Variants in OSBPL9 observed in about 807,000 individuals in gnomAD.
OSBPL9 encodes the protein oxysterol binding protein like 9.
Under a neutral mutation model 106.6 loss-of-function variants are expected in OSBPL9, and 40 were observed. That is an observed-to-expected ratio of 0.38 (90% CI 0.29 to 0.49). The LOEUF (loss-of-function observed/expected upper bound fraction) is 0.49, where lower values mean the gene tolerates loss of function less well. OSBPL9 is among the 20% of genes least tolerant of loss of function. OSBPL9 has a pLI of 0.97. For missense variants in OSBPL9, 609 were observed against 887.2 expected (o/e 0.69, Z 3.98); for synonymous variants, 269 against 295.4 (o/e 0.91, Z 0.92).
chr1:51,695,825 G>A (rs1351792769), intron 3 of OSBPL9, among the ~76,000 whole-genome samples: 6 of 152,148 alleles, frequency 3.9e-5, no homozygotes, highest in African/African-American at 1.2e-4. Context: ...GCTTAGAACC[G>A]TGCTGACACA....
chr1:51,777,277 A>G (rs751005533), intron 15 of OSBPL9, among the ~76,000 whole-genome samples: 7 of 152,216 alleles, frequency 4.6e-5, no homozygotes, highest in Non-Finnish European at 1.0e-4. Flanking sequence ...TTTCCAAAGC[A>G]CCTGTTGTTT....
intron 1 of OSBPL9, among the ~76,000 whole-genome samples, chr1:51,628,702 G>GTGCCCTGTATAGGGCACTT (rs1644924838): frequency 2.8e-5 from 1 of 36,024 alleles, no homozygotes; most frequent in Admixed American, 3.4e-4. Flanking sequence ...TTTTTTTTTT[G>GTGCCCTGTATAGGGCACTT]AGATGGAGCC....
At chr1:51,534,007 C>T in the OSBPL9 span, among the ~76,000 whole-genome samples, 1 of 151,874 alleles carries the variant, frequency 6.6e-6, no homozygotes, top group Non-Finnish European at 1.5e-5. Flanking sequence ...GAGTTCGAGA[C>T]TAGCCTGACC....
chr1:51,673,718 A>G (rs1250483621), intron 3 of OSBPL9, among the ~76,000 whole-genome samples: 2 of 152,186 alleles, frequency 1.3e-5, no homozygotes, highest in Non-Finnish European at 2.9e-5. Flanking sequence ...AAAAATCTAT[A>G]GGAACTGGGG....
chr1:51,537,336 T>C, the OSBPL9 span, among the ~76,000 whole-genome samples: 2 of 152,174 alleles, frequency 1.3e-5, no homozygotes, highest in Non-Finnish European at 2.9e-5. Flanking sequence ...CCTTGCTTTC[T>C]GGCATAATAA....
chr1:51,761,904 T>G lies in OSBPL9; in HGVS notation c.711T>G (p.Ser237=). 6.2e-7 allele frequency: 1 copy of G among 1,613,826 alleles called. No homozygotes were observed. The highest frequency in any genetic ancestry group is 1.7e-4 in the Middle Eastern group (1 of 6,052). Reference sequence around the variant, plus strand: ...TGTGTAAGTCAGAGCAGCGTCCATCTTCCCTACCAGTTGGACCTGTGTTGG... The same window carrying G: ...TGTGTAAGTCAGAGCAGCGTCCATCGTCCCTACCAGTTGGACCTGTGTTGG... ...VQLCKSEQRP[S]SLPVGPVLAT... is the part of the protein sequence containing the mutation. Residue 237 remains serine (S), a synonymous_variant, in exon 11 of 24, where the codon TCT becomes TCG. Coordinates refer to ENST00000428468, the MANE Select transcript of OSBPL9 (RefSeq NM_024586.6).
At chr1:51,525,380 A>C in the OSBPL9 span, among the ~76,000 whole-genome samples, 18 of 152,342 alleles carry the variant, frequency 1.2e-4, no homozygotes, top group Non-Finnish European at 2.6e-4. Flanking sequence ...GTCATTGGGA[A>C]AAGTTAATAT....
At chr1:51,680,353 C>A (rs543332405) in intron 3 of OSBPL9, among the ~76,000 whole-genome samples, 1 of 152,038 alleles carries the variant, frequency 6.6e-6, no homozygotes, top group South Asian at 2.1e-4. Flanking sequence ...ACTGAATGTT[C>A]TAAGAAAACA....
the OSBPL9 span, among the ~76,000 whole-genome samples, chr1:51,528,771 G>A: frequency 2.6e-5 from 4 of 152,086 alleles, no homozygotes; most frequent in African/African-American, 7.2e-5. Context: ...TCCTCAGGGG[G>A]CTAACGTGGG....
chr1:51,568,899 G>A, the OSBPL9 span, among the ~76,000 whole-genome samples: 4 of 152,170 alleles, frequency 2.6e-5, no homozygotes, highest in Non-Finnish European at 5.9e-5. Context: ...TTTCAGTAGA[G>A]ATGGGGTTTC....
intron 9 of OSBPL9, 114 bp downstream of exon 9, chr1:51,756,472 T>C: frequency 1.0e-6 from 1 of 986,210 alleles, no homozygotes; most frequent in Non-Finnish European, 1.6e-6. Context: ...ACTCACTGCT[T>C]TTTGTTGTTG....
At chr1:51,781,946 G>A (rs949436128) in intron 16 of OSBPL9, among the ~76,000 whole-genome samples, 1 of 152,030 alleles carries the variant, frequency 6.6e-6, no homozygotes, top group Non-Finnish European at 1.5e-5. Flanking sequence ...TGGAGTTTAG[G>A]GAGAGGTCTG....
chr1:51,711,827 G>A (rs187638258), intron 3 of OSBPL9, among the ~76,000 whole-genome samples: 1 of 151,346 alleles, frequency 6.6e-6, no homozygotes, highest in African/African-American at 2.4e-5. Context: ...CGGCGGGGCA[G>A]AGACGCTCCT....
the OSBPL9 span, chr1:51,566,030 A>T: frequency 6.6e-6 from 1 of 152,210 alleles, no homozygotes; most frequent in Non-Finnish European, 1.5e-5. Context: ...TAAGAGTCAA[A>T]AAGATGTAGG....
Position 51,746,698 on chromosome 1 carries a change from A to G in OSBPL9, c.415-12A>G. The G allele has an allele frequency of 6.3e-7, 1 of 1,597,880 alleles. No homozygotes were observed. The highest frequency in any genetic ancestry group is 8.5e-7 in the Non-Finnish European group (1 of 1,169,712). On this transcript the variant is annotated splice_polypyrimidine_tract_variant and intron_variant, in intron 5 of 23. Coordinates refer to ENST00000428468, the MANE Select transcript of OSBPL9 (RefSeq NM_024586.6). ...TGGCTTGATACTATAACCATTTTTT[A>G]AAATCTTGTAGCTTTTTGATGACAA... is the stretch of plus-strand genomic sequence containing the variant.
intron 4 of OSBPL9, among the ~76,000 whole-genome samples, chr1:51,742,069 G>A (rs1571463129): frequency 2.0e-5 from 3 of 151,934 alleles, no homozygotes; most frequent in East Asian, 1.9e-4. Context: ...GGGGAAGACC[G>A]ATGTTGTGGC....
intron 8 of OSBPL9, among the ~76,000 whole-genome samples, chr1:51,750,653 A>G (rs948244518): frequency 1.3e-5 from 2 of 152,196 alleles, no homozygotes; most frequent in Non-Finnish European, 2.9e-5. Context: ...TCATGAAACA[A>G]AATATATTTT....
chr1:51,568,825 G>A, the OSBPL9 span, among the ~76,000 whole-genome samples: 4 of 152,182 alleles, frequency 2.6e-5, no homozygotes, highest in Non-Finnish European at 5.9e-5. Context: ...CATCTCCCAG[G>A]TTCAAGCAAT....
intron 4 of OSBPL9, among the ~76,000 whole-genome samples, chr1:51,740,788 C>T (rs752064355): frequency 6.6e-6 from 1 of 151,914 alleles, no homozygotes; most frequent in African/African-American, 2.4e-5. Context: ...CTCAGGTTGC[C>T]CATAGGTTTC....
Sources: allele counts gnomAD v4.1 joint callset (sites outside exome capture counted in the v4.1 genomes callset), GRCh38; gene constraint gnomAD v4.1.1; transcripts MANE v1.5; gene names NCBI Gene and HGNC (gene_info 2026-07-23, HGNC 2026-07-21).